Variants in INPP4B observed in about 807,000 individuals in gnomAD.
INPP4B encodes inositol polyphosphate 4-phosphatase type II.
A neutral mutation model predicts 122.5 loss-of-function variants in INPP4B; 55 were observed. The observed-to-expected ratio is 0.45, with a 90% CI of 0.36 to 0.56. The LOEUF is 0.56. Among genes scored for constraint, INPP4B ranks in the 20% least tolerant of loss-of-function variants. INPP4B has a pLI of 0.00. For missense variants in INPP4B, 1,000 were observed against 1,097.7 expected (o/e 0.91, Z 1.26); for synonymous variants, 403 against 388.7 (o/e 1.04, Z -0.43).
intron 25 of INPP4B, among the ~76,000 whole-genome samples, chr4:142,051,108 T>C (rs1014915414): frequency 2.0e-5 from 3 of 152,054 alleles, no homozygotes; most frequent in African/African-American, 4.8e-5. Context: ...GTTGCATATT[T>C]GTATAAGTTA....
chr4:142,744,836 T>C (rs150668425), intron 1 of INPP4B, among the ~76,000 whole-genome samples: 11 of 151,776 alleles, frequency 7.2e-5, no homozygotes, highest in Non-Finnish European at 1.6e-4. Context: ...TAAAAATAAA[T>C]AGACATAAAT....
intron 18 of INPP4B, among the ~76,000 whole-genome samples, chr4:142,125,307 A>C (rs12331260): frequency 0.13 from 20,382 of 151,912 alleles, 1,548 homozygotes; most frequent in East Asian, 0.23. Context: ...AGAAACATTT[A>C]TAATCAGTTT....
At position 142,465,636 on chromosome 4, in the gene INPP4B, C is replaced by A. The variant is rs192629728; in HGVS notation, c.-190-2910G>T. Among the ~76,000 whole-genome samples the A allele has an allele frequency of 2.0e-4, 30 of 152,136 alleles. 1 individual carries two copies. The East Asian group carries it at 3.1e-3, about 16-fold the overall frequency. ...GTCCCTGTATCCATTCCTTTTGTGGCCTTTGATATGGGGTTTGGATGTTTG... is the reference window on the plus strand; with the variant it reads ...GTCCCTGTATCCATTCCTTTTGTGGACTTTGATATGGGGTTTGGATGTTTG... On this transcript the variant is annotated intron_variant, in intron 2 of 25. Transcript: ENST00000262992.
intron 25 of INPP4B, among the ~76,000 whole-genome samples, chr4:142,053,975 T>G (rs2152406080): frequency 7.4e-6 from 1 of 134,426 alleles, no homozygotes; most frequent in South Asian, 2.4e-4. Context: ...GCCCAAATGG[T>G]TTTAGGCAAT....
At chr4:142,229,867 A>G (rs1853400430) in intron 12 of INPP4B, among the ~76,000 whole-genome samples, 1 of 152,324 alleles carries the variant, frequency 6.6e-6, no homozygotes, top group East Asian at 1.9e-4. Context: ...GGAAAGTAAA[A>G]TTCTAAATTA....
intron 2 of INPP4B, among the ~76,000 whole-genome samples, chr4:142,676,474 G>T (rs944995742): frequency 6.6e-6 from 1 of 152,170 alleles, no homozygotes; most frequent in Non-Finnish European, 1.5e-5. Flanking sequence ...TTTCTTCACA[G>T]AATTGGAAAA....
chr4:142,356,470 G>A (rs9998945), intron 7 of INPP4B, among the ~76,000 whole-genome samples: 60,202 of 151,128 alleles, frequency 0.4, 12,311 homozygotes, highest in East Asian at 0.64. Flanking sequence ...GAACTCAAGG[G>A]TTGGGGATCC....
intron 2 of INPP4B, among the ~76,000 whole-genome samples, chr4:142,538,415 G>A (rs952855502): frequency 6.6e-6 from 1 of 152,022 alleles, no homozygotes; most frequent in South Asian, 2.1e-4. Context: ...ATATGCATGT[G>A]AGTATATATA....
At chr4:142,440,110 T>A (rs537561072) in intron 3 of INPP4B, among the ~76,000 whole-genome samples, 2 of 152,298 alleles carry the variant, frequency 1.3e-5, no homozygotes, top group African/African-American at 4.8e-5. Flanking sequence ...ACTAGATAAA[T>A]CTATTCATCC....
At chr4:142,674,431 G>A (rs1181532638) in intron 2 of INPP4B, among the ~76,000 whole-genome samples, 2 of 152,040 alleles carry the variant, frequency 1.3e-5, no homozygotes, top group Admixed American at 1.3e-4. Flanking sequence ...AAAACCATAA[G>A]TGTTTAGAGT....
At chr4:142,460,618 A>G (rs1816516681) in intron 3 of INPP4B, among the ~76,000 whole-genome samples, 1 of 152,204 alleles carries the variant, frequency 6.6e-6, no homozygotes, top group Non-Finnish European at 1.5e-5. Flanking sequence ...TGGCAAGAGT[A>G]GTAATTAAAA....
chr4:142,608,342 T>G (rs530300799), intron 2 of INPP4B, among the ~76,000 whole-genome samples: 4 of 152,308 alleles, frequency 2.6e-5, no homozygotes, highest in Non-Finnish European at 5.9e-5. Flanking sequence ...TTTGGCATTA[T>G]AGTGAGTTGG....
intron 7 of INPP4B, among the ~76,000 whole-genome samples, chr4:142,351,626 T>C (rs1189091595): frequency 6.6e-6 from 1 of 151,974 alleles, no homozygotes; most frequent in Non-Finnish European, 1.5e-5. Flanking sequence ...CTACTTCCTT[T>C]TGGACACTGA....
intron 1 of INPP4B, among the ~76,000 whole-genome samples, chr4:142,844,859 C>T (rs532833958): frequency 2.0e-5 from 3 of 152,304 alleles, no homozygotes; most frequent in Admixed American, 2.0e-4. Flanking sequence ...TATAAAAGAA[C>T]TATCTGGAGC....
rs1378561100 is a variant in INPP4B at position 142,465,776 on chromosome 4, G to T, written c.-190-3050C>A. ...ATGAATGGCTTAGCAACATCCCCTT[G>T]GTGATAAGTGAGTTCTTGCTCCAAG... is the stretch of plus-strand genomic sequence containing the variant. On this transcript the variant is annotated intron_variant, in intron 2 of 25. Transcript: ENST00000262992. Among the ~76,000 whole-genome samples the T allele has an allele frequency of 2.6e-5, 4 of 152,108 alleles. No individual in the cohort carries two copies. The East Asian group carries it at 5.8e-4, about 22-fold the overall frequency.
At chr4:142,838,362 AG>A (rs1252535163) in intron 1 of INPP4B, among the ~76,000 whole-genome samples, 1 of 151,742 alleles carries the variant, frequency 6.6e-6, no homozygotes, top group Non-Finnish European at 1.5e-5. Context: ...AATAGAGAGT[AG>A]GAAAAAAAAA....
chr4:142,117,190 G>T (rs754751125), intron 21 of INPP4B, among the ~76,000 whole-genome samples: 1 of 151,898 alleles, frequency 6.6e-6, no homozygotes, highest in African/African-American at 2.4e-5. Flanking sequence ...AACCAAAAAA[G>T]TCCAGGACCA....
chr4:142,615,833 G>A (rs765340062), intron 2 of INPP4B, among the ~76,000 whole-genome samples: 18 of 151,852 alleles, frequency 1.2e-4, no homozygotes, highest in Non-Finnish European at 2.2e-4. Flanking sequence ...TAACTTTTTC[G>A]TAGGGGTTGA....
chr4:142,681,100 A>G (rs1325853902), intron 2 of INPP4B, among the ~76,000 whole-genome samples: 6 of 151,882 alleles, frequency 4.0e-5, no homozygotes, highest in Non-Finnish European at 7.4e-5. Flanking sequence ...AAGTCTATAT[A>G]TAATGCATGT....
Sources: allele counts gnomAD v4.1 joint callset (sites outside exome capture counted in the v4.1 genomes callset), GRCh38; gene constraint gnomAD v4.1.1; transcripts MANE v1.5; gene names NCBI Gene and HGNC (gene_info 2026-07-23, HGNC 2026-07-21).